Variants in RAB14 observed in about 807,000 individuals in gnomAD.
RAB14 encodes the protein ras-related protein Rab-14.
RAB14 carries 3 observed loss-of-function variants against 31.1 expected under a neutral mutation model. That is an observed-to-expected ratio of 0.10 (90% CI 0.04 to 0.25). RAB14 has a LOEUF of 0.25. Among genes scored for constraint, RAB14 ranks in the 10% least tolerant of loss-of-function variants. The pLI is 1.00. For missense variants in RAB14, 111 were observed against 260.1 expected (o/e 0.43, Z 3.94); for synonymous variants, 85 against 84.9 (o/e 1.00, Z 0.00).
At chr9:121,182,749 A>G (rs192104082) in intron 7 of RAB14, among the ~76,000 whole-genome samples, 181 bp downstream of exon 7, 92 of 152,352 alleles carry the variant, frequency 6.0e-4, no homozygotes, top group Admixed American at 1.0e-3. Context: ...ACAAAAATTC[A>G]TATTATTTTG....
chr9:121,196,927 T>G (rs1282665543), intron 1 of RAB14, among the ~76,000 whole-genome samples: 5 of 152,022 alleles, frequency 3.3e-5, no homozygotes, highest in Non-Finnish European at 7.4e-5. Flanking sequence ...CTCTGCAGAG[T>G]CATTATCATT....
At chr9:121,185,178 A>C (rs1179983758) in intron 5 of RAB14, among the ~76,000 whole-genome samples, 4 of 152,176 alleles carry the variant, frequency 2.6e-5, no homozygotes, top group African/African-American at 7.2e-5. Flanking sequence ...GGTAAGGTTA[A>C]TTTTATTATA....
At chr9:121,192,949 T>G (rs1381273452) in intron 2 of RAB14, among the ~76,000 whole-genome samples, 2 of 152,076 alleles carry the variant, frequency 1.3e-5, no homozygotes, top group Non-Finnish European at 2.9e-5. Flanking sequence ...TTAAGAAAAA[T>G]ACTATATTTT....
At chr9:121,185,429 G>C (rs1030605387) in intron 5 of RAB14, among the ~76,000 whole-genome samples, 9 of 152,040 alleles carry the variant, frequency 5.9e-5, no homozygotes, top group African/African-American at 2.2e-4. Flanking sequence ...ATGTGCGTTC[G>C]TGCATGGGTG....
rs1339871117 is a variant in RAB14, at chr9:121,179,312, G to T, written c.*2084C>A. The T allele has an allele frequency of 1.3e-5, 2 of 152,476 alleles. No homozygotes were observed. Among genetic ancestry groups the T allele is most frequent in the Admixed American group, 6.6e-5 (1 of 15,266 alleles). The allele number at this position is 152,476 out of a possible 1,614,324, so 9.4% of individuals were successfully genotyped here. The stretch of plus-strand genomic sequence containing the variant: ...CAATTTTAATTTAATCTAGATACAG[G>T]TACTTTATTTACAAATATTTAGATT... On this transcript the variant is annotated 3_prime_UTR_variant, in exon 8 of 8. Transcript: ENST00000373840.
chr9:121,195,865 A>G (rs966670837), intron 1 of RAB14, among the ~76,000 whole-genome samples: 2 of 152,178 alleles, frequency 1.3e-5, no homozygotes, highest in Non-Finnish European at 2.9e-5. Context: ...AGATTTAAAT[A>G]TATTCCCATA....
At chr9:121,197,811 T>C (rs972922069) in intron 1 of RAB14, among the ~76,000 whole-genome samples, 2 of 152,220 alleles carry the variant, frequency 1.3e-5, no homozygotes, top group Non-Finnish European at 2.9e-5. Flanking sequence ...CAGGTATTAG[T>C]GCATTTAATG....
At chr9:121,189,523 G>A (rs1475110508) in intron 4 of RAB14, among the ~76,000 whole-genome samples, 1 of 151,996 alleles carries the variant, frequency 6.6e-6, no homozygotes, top group Non-Finnish European at 1.5e-5. Flanking sequence ...CCCAATTCTA[G>A]AATTTACTGA....
intron 2 of RAB14, among the ~76,000 whole-genome samples, chr9:121,192,491 A>T (rs747145039): frequency 7.9e-5 from 12 of 151,848 alleles, no homozygotes; most frequent in South Asian, 2.1e-4. Flanking sequence ...TTTTAATGGA[A>T]TTTTTTTTAC....
chr9:121,192,454 T>C (rs985889195), intron 2 of RAB14, among the ~76,000 whole-genome samples: 24 of 152,152 alleles, frequency 1.6e-4, no homozygotes, highest in Admixed American at 2.0e-4. Context: ...TGTTAATAAA[T>C]AGCCACCAGC....
rs975080902 is a variant in RAB14 at position 121,201,386 on chromosome 9, C to A, written c.-8+253G>T. Among the ~76,000 whole-genome samples the A allele has an allele frequency of 7.9e-5, 12 of 152,188 alleles. No individual in the cohort carries two copies. The East Asian group carries it at 2.1e-3, about 27-fold the overall frequency. ...CCTTCCCTGCACGCCTCGGAGCGCCCCGCCGGTTGGGGAGGGCAGGAGGCT... is the reference window on the plus strand; with the variant it reads ...CCTTCCCTGCACGCCTCGGAGCGCCACGCCGGTTGGGGAGGGCAGGAGGCT... On this transcript the variant is annotated intron_variant, in intron 1 of 7. Coordinates refer to ENST00000373840, the MANE Select transcript of RAB14 (RefSeq NM_016322.4).
chr9:121,189,265 C>T (rs901412165), intron 4 of RAB14, among the ~76,000 whole-genome samples: 34 of 152,092 alleles, frequency 2.2e-4, no homozygotes, highest in African/African-American at 7.9e-4. Flanking sequence ...CAGATTTTAC[C>T]AAAAGTATTA....
Position 121,181,625 on chromosome 9 carries a change from C to T in RAB14, c.471-52G>A, listed in dbSNP as rs761845004. ...GAGAACCACAGTTTTCTACAAAAGA[C>T]AAGACACTGACCTTTTGCTAATCTT... is the stretch of plus-strand genomic sequence containing the variant. On this transcript the variant is annotated intron_variant, in intron 7 of 7. Transcript: ENST00000373840. 4 of 1,443,208 alleles carry T rather than the reference C, an allele frequency of 2.8e-6. No homozygotes were observed. The South Asian group carries it at 5.1e-5, about 19-fold the overall frequency. The allele number at this position is 1,443,208 out of a possible 1,614,324, so 89.4% of individuals were successfully genotyped here.
At chr9:121,189,196 T>G (rs186769594) in intron 4 of RAB14, among the ~76,000 whole-genome samples, 1 of 152,106 alleles carries the variant, frequency 6.6e-6, no homozygotes, top group Non-Finnish European at 1.5e-5. Flanking sequence ...CATTCATCAG[T>G]TGATGCATGT....
At position 121,185,911 on chromosome 9, in the gene RAB14, G is replaced by A. The variant is rs77518423; in HGVS notation, c.351+1042C>T. Among the ~76,000 whole-genome samples the A allele has an allele frequency of 5.9e-3, 899 of 152,260 alleles. 6 individuals carry two copies. The highest frequency in any genetic ancestry group is 9.3e-3 in the Non-Finnish European group (635 of 68,024). On this transcript the variant is annotated intron_variant, in intron 5 of 7. Coordinates refer to ENST00000373840, the MANE Select transcript of RAB14 (RefSeq NM_016322.4). ...TGTGTATGTAAACCTTGGGTTTAATGCGATAATGGAAATGAAAGTTTCAGG... is the reference window on the plus strand; with the variant it reads ...TGTGTATGTAAACCTTGGGTTTAATACGATAATGGAAATGAAAGTTTCAGG...
intron 3 of RAB14, among the ~76,000 whole-genome samples, chr9:121,191,047 T>C (rs1356569779): frequency 6.6e-6 from 1 of 152,136 alleles, no homozygotes. Context: ...AGAGACAATA[T>C]GTAAAACAGG....
intron 1 of RAB14, among the ~76,000 whole-genome samples, chr9:121,197,400 A>AC (rs1373596145): frequency 1.3e-5 from 2 of 152,210 alleles, no homozygotes; most frequent in Non-Finnish European, 2.9e-5. Flanking sequence ...ACCACTGTTA[A>AC]GGTGAAAAAT....
At chr9:121,186,828 A>C in intron 5 of RAB14, 125 bp downstream of exon 5, 1 of 522,084 alleles carries the variant, frequency 1.9e-6, no homozygotes, top group Non-Finnish European at 3.3e-6. Context: ...AACTAATTGA[A>C]GAATACAATA....
intron 1 of RAB14, among the ~76,000 whole-genome samples, chr9:121,197,905 T>G (rs984329502): frequency 2.6e-5 from 4 of 152,112 alleles, no homozygotes; most frequent in Admixed American, 2.0e-4. Flanking sequence ...ATAATATCCA[T>G]GTAGTTTAGA....
Sources: gnomAD v4.1 joint callset for allele counts (sites outside exome capture counted in the v4.1 genomes callset) on GRCh38, gnomAD v4.1.1 for gene constraint, MANE v1.5 for transcripts, NCBI Gene and HGNC (gene_info 2026-07-23, HGNC 2026-07-21) for gene names.